BTBD9: variants seen among roughly 807,000 people sequenced by gnomAD.
BTBD9 encodes BTB domain containing 9.
Under a neutral mutation model 64.3 loss-of-function variants are expected in BTBD9, and 49 were observed. The observed-to-expected ratio is 0.76, with a 90% CI of 0.61 to 0.97. BTBD9 has a LOEUF of 0.97. Ranked by LOEUF, BTBD9 falls within the 50% of genes least tolerant of loss-of-function variation. The pLI, the probability that BTBD9 is intolerant of heterozygous loss-of-function variation, is 0.00. For synonymous variants in BTBD9, 260 were observed against 274.7 expected, an observed-to-expected ratio of 0.95 and a Z score of 0.53; for missense variants, 598 against 762.1, an observed-to-expected ratio of 0.78 and a Z score of 2.53.
intron 6 of BTBD9, among the ~76,000 whole-genome samples, chr6:38,363,229 C>T (rs1765043765): frequency 6.6e-6 from 1 of 152,162 alleles, no homozygotes. Flanking sequence ...GCTGGGACTA[C>T]AGGTATGCAC....
chr6:38,518,166 C>T (rs577855199), intron 6 of BTBD9, among the ~76,000 whole-genome samples: 7 of 151,870 alleles, frequency 4.6e-5, no homozygotes, highest in African/African-American at 1.7e-4. Context: ...CTTTAATGTG[C>T]CCCCCACCCC....
chr6:38,304,719 C>T (rs1762563151), intron 7 of BTBD9, among the ~76,000 whole-genome samples: 1 of 152,126 alleles, frequency 6.6e-6, no homozygotes, highest in Non-Finnish European at 1.5e-5. Flanking sequence ...GCATGAACTA[C>T]CATGCCTGGA....
rs1425523473 is a variant in BTBD9 at position 38,184,633 on chromosome 6, C to A, written c.1641+7886G>T. ...GCCAGCATGTGACTGCTTTGAGGTGCTTCTGGGCTGAGACGATGGTCCTCT... is the reference window on the plus strand; with the variant it reads ...GCCAGCATGTGACTGCTTTGAGGTGATTCTGGGCTGAGACGATGGTCCTCT... On this transcript the variant is annotated intron_variant, in intron 10 of 10. Transcript: ENST00000481247. The surrounding 1 kb of genome is among the most constrained non-coding windows in gnomAD (Gnocchi z 4.4). 1.3e-5 allele frequency among the ~76,000 whole-genome samples: 2 copies of A among 152,144 alleles called. No homozygotes were observed. The highest frequency in any genetic ancestry group is 4.8e-5 in the African/African-American group (2 of 41,426).
chr6:38,255,622 A>G (rs1764549902), intron 9 of BTBD9, among the ~76,000 whole-genome samples: 1 of 152,172 alleles, frequency 6.6e-6, no homozygotes, highest in Non-Finnish European at 1.5e-5. Context: ...CCAGTGCCAT[A>G]TGCATTAAAT....
chr6:38,536,500 C>T (rs1774028043), intron 6 of BTBD9, among the ~76,000 whole-genome samples: 1 of 152,068 alleles, frequency 6.6e-6, no homozygotes, highest in African/African-American at 2.4e-5. Context: ...GAAAGGAAAT[C>T]AGTATATCAG....
At chr6:38,632,143 G>A (rs1778385676) in intron 1 of BTBD9, among the ~76,000 whole-genome samples, 1 of 152,112 alleles carries the variant, frequency 6.6e-6, no homozygotes, top group East Asian at 1.9e-4. Context: ...AAAAAAGTTT[G>A]TTGTCTTAAG....
chr6:38,432,328 TCTAGCCTCACAG>T (rs1768478663), intron 6 of BTBD9, among the ~76,000 whole-genome samples: 1 of 152,006 alleles, frequency 6.6e-6, no homozygotes, highest in South Asian at 2.1e-4. Flanking sequence ...TCATCTTGCC[TCTAGCCTCACAG>T]GCTGACTGTC....
chr6:38,290,670 T>A (rs553412406), intron 7 of BTBD9, among the ~76,000 whole-genome samples: 79 of 152,034 alleles, frequency 5.2e-4, no homozygotes, highest in African/African-American at 1.9e-3. Context: ...GGGAAGAGAG[T>A]AAGCTGGGCA....
At chr6:38,339,664 G>A (rs1012684466) in intron 7 of BTBD9, among the ~76,000 whole-genome samples, 3 of 152,168 alleles carry the variant, frequency 2.0e-5, no homozygotes, top group Admixed American at 2.0e-4. Context: ...GAAAAAAAGA[G>A]ATTACTTACA....
intron 6 of BTBD9, among the ~76,000 whole-genome samples, chr6:38,419,775 C>T (rs907463869): frequency 1.1e-4 from 16 of 152,066 alleles, no homozygotes; most frequent in African/African-American, 3.1e-4. Flanking sequence ...GAGGCTAAGG[C>T]GGGAGAATCG....
intron 6 of BTBD9, among the ~76,000 whole-genome samples, chr6:38,431,261 C>T (rs1366749453): frequency 1.3e-5 from 2 of 151,136 alleles, no homozygotes; most frequent in Non-Finnish European, 2.9e-5. Context: ...TGGACATACA[C>T]TAATATTATG....
At chr6:38,318,046 T>C (rs1763090783) in intron 7 of BTBD9, among the ~76,000 whole-genome samples, 1 of 151,206 alleles carries the variant, frequency 6.6e-6, no homozygotes, top group South Asian at 2.1e-4. Flanking sequence ...GCGATTCTCC[T>C]GCCTCACCTG....
intron 9 of BTBD9, among the ~76,000 whole-genome samples, chr6:38,203,781 G>C (rs926045559): frequency 2.0e-5 from 3 of 151,676 alleles, no homozygotes; most frequent in South Asian, 2.1e-4. Flanking sequence ...ATGAAGAAAG[G>C]GGGGTGAATA....
At chr6:38,484,453 T>C (rs1014323017) in intron 6 of BTBD9, among the ~76,000 whole-genome samples, 9 of 152,220 alleles carry the variant, frequency 5.9e-5, no homozygotes, top group African/African-American at 2.2e-4. Context: ...ATACTGGATA[T>C]CTTTTTAAAA....
intron 8 of BTBD9, among the ~76,000 whole-genome samples, chr6:38,278,479 C>A (rs2127549128): frequency 6.6e-6 from 1 of 152,238 alleles, no homozygotes; most frequent in Admixed American, 6.5e-5. Context: ...GTGGATTGAA[C>A]CATAAGATGT....
chr6:38,635,800 A>T (rs1778510554), intron 1 of BTBD9, among the ~76,000 whole-genome samples: 1 of 152,208 alleles, frequency 6.6e-6, no homozygotes, highest in Non-Finnish European at 1.5e-5. Context: ...TGTTCTTTAT[A>T]AATTAAACTT....
At chr6:38,203,809 A>G (rs544092261) in intron 9 of BTBD9, among the ~76,000 whole-genome samples, 4 of 152,276 alleles carry the variant, frequency 2.6e-5, no homozygotes, top group Non-Finnish European at 5.9e-5. Context: ...ATTTACAGTT[A>G]GTTAGAAGAA....
chr6:38,574,841 A>T (rs1397214101), intron 6 of BTBD9, among the ~76,000 whole-genome samples: 2 of 151,828 alleles, frequency 1.3e-5, no homozygotes, highest in Non-Finnish European at 2.9e-5. Context: ...GAAGAGTTCG[A>T]CCTAACTCCA....
At chr6:38,631,957 C>T (rs1175408805) in intron 1 of BTBD9, among the ~76,000 whole-genome samples, 20 of 152,168 alleles carry the variant, frequency 1.3e-4, no homozygotes, top group African/African-American at 4.1e-4. Context: ...GGAGAAACCC[C>T]GTCTCTACTA....
Sources: gnomAD v4.1 joint callset for allele counts (sites outside exome capture counted in the v4.1 genomes callset) on GRCh38, gnomAD v4.1.1 for gene constraint, Gnocchi (gnomAD v3.1) non-coding constraint, MANE v1.5 for transcripts, NCBI Gene and HGNC (gene_info 2026-07-23, HGNC 2026-07-21) for gene names.